Variants in RALGAPA2 observed in about 807,000 individuals in gnomAD.
RALGAPA2 encodes ral GTPase-activating protein subunit alpha-2.
RALGAPA2 carries 139 observed loss-of-function variants against 230.4 expected under a neutral mutation model. The ratio of observed to expected loss-of-function variants is 0.60; its 90% confidence interval spans 0.53 to 0.69. RALGAPA2 has a LOEUF of 0.69. RALGAPA2 is among the 30% of genes least tolerant of loss of function. The pLI is 0.00. For missense variants in RALGAPA2, 2,163 were observed against 2,276.0 expected (o/e 0.95, Z 1.01); for synonymous variants, 847 against 837.8 (o/e 1.01, Z -0.19).
At chr20:20,469,120 C>T (rs1298237522) in intron 37 of RALGAPA2, among the ~76,000 whole-genome samples, 3 of 152,148 alleles carry the variant, frequency 2.0e-5, no homozygotes, top group South Asian at 2.1e-4. Flanking sequence ...CTATTCCTAG[C>T]GGCAACGACT....
intron 27 of RALGAPA2, among the ~76,000 whole-genome samples, chr20:20,527,210 A>G (rs1452421368): frequency 3.9e-5 from 6 of 152,202 alleles, no homozygotes; most frequent in Non-Finnish European, 8.8e-5. Flanking sequence ...GAAGCAGACC[A>G]TCATCAACTT....
At chr20:20,441,747 T>C (rs2060745799) in intron 37 of RALGAPA2, among the ~76,000 whole-genome samples, 1 of 152,230 alleles carries the variant, frequency 6.6e-6, no homozygotes, top group Admixed American at 6.5e-5. Context: ...CCTAGAGTCA[T>C]TTAAATACTG....
At chr20:20,418,284 T>C (rs2060206479) in intron 37 of RALGAPA2, among the ~76,000 whole-genome samples, 1 of 152,156 alleles carries the variant, frequency 6.6e-6, no homozygotes, top group African/African-American at 2.4e-5. Flanking sequence ...ATTATGAGAA[T>C]TACAACAAAA....
In RALGAPA2 at chr20:20,664,479, G is replaced by A. The variant is rs557737703; in HGVS notation, c.271-10892C>T. Among the ~76,000 whole-genome samples, 11 of 152,126 alleles carry A rather than the reference G, an allele frequency of 7.2e-5. No homozygotes were observed. In the South Asian group the frequency reaches 2.3e-3, roughly 32 times the overall value. On this transcript the variant is annotated intron_variant, in intron 3 of 39. Transcript: ENST00000202677. ...CATATAATTCTACCCATAATATGTG[G>A]GTTTTGCCCCGAATAAAGCATTCAC...
At chr20:20,510,551 A>C (rs910188664) in intron 33 of RALGAPA2, among the ~76,000 whole-genome samples, 3 of 152,076 alleles carry the variant, frequency 2.0e-5, no homozygotes, top group African/African-American at 4.8e-5. Flanking sequence ...GAGTTTTTTA[A>C]AAAACTAAAG....
At chr20:20,631,622 T>C (rs2066675375) in intron 9 of RALGAPA2, among the ~76,000 whole-genome samples, 1 of 152,204 alleles carries the variant, frequency 6.6e-6, no homozygotes, top group African/African-American at 2.4e-5. Flanking sequence ...CCCTAGAACC[T>C]TGAGAAGGAA....
intron 30 of RALGAPA2, among the ~76,000 whole-genome samples, chr20:20,521,333 T>G (rs1184015875): frequency 6.6e-6 from 1 of 152,182 alleles, no homozygotes; most frequent in Non-Finnish European, 1.5e-5. Context: ...AAAAAGTACT[T>G]ATTCACATTC....
chr20:20,503,204 G>T (rs1040011031), intron 35 of RALGAPA2, 147 bp downstream of exon 35: 1 of 696,002 alleles, frequency 1.4e-6, no homozygotes. Flanking sequence ...CATTTAAGAC[G>T]CCTTCTTTCC....
At position 20,712,357 on chromosome 20, in the gene RALGAPA2, G is replaced by T. The variant is rs1329494031; in HGVS notation, c.106+18C>A. The stretch of plus-strand genomic sequence containing the variant: ...CCTAACCCGGCGCCCCGACCCCCGC[G>T]CCCGGCGCGCGCCTCACCCAGCAGC... On this transcript the variant is annotated intron_variant, in intron 1 of 39. Transcript: ENST00000202677. The surrounding 1 kb of genome is among the most constrained non-coding windows in gnomAD (Gnocchi z 5.5). 6.6e-7 allele frequency: 1 copy of T among 1,524,772 alleles called. No individual in the cohort carries two copies. The highest frequency in any genetic ancestry group is 8.8e-7 in the Non-Finnish European group (1 of 1,131,560). The allele number at this position is 1,524,772 out of a possible 1,614,324, so 94.5% of individuals were successfully genotyped here.
At chr20:20,711,114 A>G (rs1467619756) in intron 1 of RALGAPA2, among the ~76,000 whole-genome samples, 1 of 152,220 alleles carries the variant, frequency 6.6e-6, no homozygotes, top group Non-Finnish European at 1.5e-5. Flanking sequence ...AAACTGAACA[A>G]GTCAGTGTAA....
At chr20:20,588,593 A>C (rs1290549661) in intron 18 of RALGAPA2, among the ~76,000 whole-genome samples, 2 of 152,184 alleles carry the variant, frequency 1.3e-5, no homozygotes, top group Non-Finnish European at 2.9e-5. Context: ...TTCATTGCTG[A>C]AAACAGAATA....
intron 16 of RALGAPA2, among the ~76,000 whole-genome samples, chr20:20,600,657 C>T (rs1288841714): frequency 6.6e-6 from 1 of 152,168 alleles, no homozygotes; most frequent in African/African-American, 2.4e-5. Context: ...GAGGATCTTG[C>T]GACTTTCTGA....
At chr20:20,423,641 C>T (rs1158423746) in intron 37 of RALGAPA2, among the ~76,000 whole-genome samples, 3 of 152,164 alleles carry the variant, frequency 2.0e-5, no homozygotes, top group Non-Finnish European at 4.4e-5. Flanking sequence ...CAGTTACATC[C>T]TAAAGCCATA....
intron 13 of RALGAPA2, among the ~76,000 whole-genome samples, chr20:20,611,632 G>A (rs1423900430): frequency 6.6e-6 from 1 of 152,106 alleles, no homozygotes; most frequent in Non-Finnish European, 1.5e-5. Flanking sequence ...TTAAAAACAT[G>A]CCTCCCATGT....
intron 36 of RALGAPA2, among the ~76,000 whole-genome samples, chr20:20,488,322 A>C (rs1339743973): frequency 6.6e-6 from 1 of 152,204 alleles, no homozygotes; most frequent in Non-Finnish European, 1.5e-5. Flanking sequence ...AGAACTCACA[A>C]AAGTGTGGAG....
In RALGAPA2 at chr20:20,437,845, C is replaced by A. The variant is rs895332787; in HGVS notation, c.5496-25697G>T. Among the ~76,000 whole-genome samples the A allele has an allele frequency of 7.9e-5, 12 of 152,302 alleles. No individual in the cohort carries two copies. In the East Asian group the frequency reaches 2.1e-3, roughly 27 times the overall value. ...CTTCCACTGGAATGGAAGTTCCATGCGGGCAGGAACTGTGGTATATCTAGC... is the reference window on the plus strand; with the variant it reads ...CTTCCACTGGAATGGAAGTTCCATGAGGGCAGGAACTGTGGTATATCTAGC... On this transcript the variant is annotated intron_variant, in intron 37 of 39. Transcript: ENST00000202677. This position sits in a 1 kb window ranked among gnomAD's most constrained non-coding sequence, Gnocchi z 4.1.
At chr20:20,410,426 T>TAAAC (rs111589594) in intron 38 of RALGAPA2, among the ~76,000 whole-genome samples, 19 of 152,282 alleles carry the variant, frequency 1.2e-4, no homozygotes, top group African/African-American at 4.1e-4. Context: ...TCTCAAGAGT[T>TAAAC]AAACAAACAA....
chr20:20,428,714 A>AC (rs11087324), intron 37 of RALGAPA2, among the ~76,000 whole-genome samples: 92,511 of 144,290 alleles, frequency 0.64, 29,891 homozygotes, highest in African/African-American at 0.69. Context: ...TGTGCCTGCC[A>AC]CCCATCTATT....
Position 20,635,612 on chromosome 20 carries a change from G to A in RALGAPA2, c.811C>T (p.Pro271Ser). The A allele has an allele frequency of 6.5e-7, 1 of 1,537,704 alleles. No individual in the cohort carries two copies. The highest frequency in any genetic ancestry group is 2.4e-5 in the East Asian group (1 of 41,400). Residue 271 changes from proline to serine, a missense_variant, in exon 9 of 40, where the codon CCC (proline) becomes TCC (serine). By Grantham distance (74) the Pro-to-Ser change is moderately conservative (BLOSUM62 -1). Transcript: ENST00000202677. ...TACACAGGCTTTGGTCTCAAATGGG[G>A]GATGTCTGGTAGAAGAAAGAACACA... Reference protein sequence around the residue: ...TNIYKPVLDIPHLRPKPVYIT... With the variant: ...TNIYKPVLDISHLRPKPVYIT...
Sources: gnomAD v4.1 joint callset for allele counts (sites outside exome capture counted in the v4.1 genomes callset) on GRCh38, gnomAD v4.1.1 for gene constraint, Gnocchi (gnomAD v3.1) non-coding constraint, MANE v1.5 for transcripts, NCBI Gene and HGNC (gene_info 2026-07-23, HGNC 2026-07-21) for gene names.